MYH8: variants seen among roughly 807,000 people sequenced by gnomAD.
MYH8 encodes the protein myosin-8.
MYH8 carries 168 observed loss-of-function variants against 233.2 expected under a neutral mutation model. The ratio of observed to expected loss-of-function variants is 0.72; its 90% CI spans 0.64 to 0.82. The LOEUF is 0.82. Among genes scored for constraint, MYH8 ranks in the 40% least tolerant of loss-of-function variants. The pLI is 0.00. For missense variants in MYH8, 1,995 were observed against 2,327.8 expected (o/e 0.86, Z 2.94); for synonymous variants, 785 against 850.6 (o/e 0.92, Z 1.34).
chr17:10,391,398 G>T (rs778400427), intron 39 of MYH8, among the ~76,000 whole-genome samples: 9 of 152,108 alleles, frequency 5.9e-5, no homozygotes, highest in African/African-American at 1.7e-4. Context: ...AAAATATCTC[G>T]GCTGGGCGTG....
Position 10,396,278 on chromosome 17 carries a change from T to A in MYH8, c.4653+52A>T, listed in dbSNP as rs1419089224. On this transcript the variant is annotated intron_variant, in intron 33 of 39. Coordinates refer to ENST00000403437, the MANE Select transcript of MYH8 (RefSeq NM_002472.3). The surrounding 1 kb of genome is among the most constrained non-coding windows in gnomAD (Gnocchi z 4.2). The stretch of plus-strand genomic sequence containing the variant: ...AATTATCACTAGCCCCACTTTTTTT[T>A]AACTGATGTTTGTCTTTGTTTTTCC... 10 of 1,605,012 alleles carry A rather than the reference T, an allele frequency of 6.2e-6. No homozygotes were observed. The highest frequency in any genetic ancestry group is 3.4e-5 in the Admixed American group (2 of 59,564).
At chr17:10,397,341 G>C (rs748199079) in intron 30 of MYH8, among the ~76,000 whole-genome samples, 2 of 152,050 alleles carry the variant, frequency 1.3e-5, no homozygotes, top group African/African-American at 4.8e-5. Flanking sequence ...TGATCCACCC[G>C]CCTTGGCCTC....
In MYH8 at chr17:10,415,513, C is replaced by T; in HGVS notation, c.607G>A (p.Val203Ile). 1 of 1,614,212 alleles carries T rather than the reference C, an allele frequency of 6.2e-7. No individual in the cohort carries two copies. The highest frequency in any genetic ancestry group is 8.5e-7 in the Non-Finnish European group (1 of 1,180,024). Residue 203 changes from valine (V) to isoleucine (I), a missense_variant, in exon 7 of 40, where the codon GTT becomes ATT. This residue lies in a region of MYH8 where 479 missense variants were observed against 600.9 expected (regional missense o/e 0.80). Transcript: ENST00000403437. The surrounding 1 kb of genome is among the most constrained non-coding windows in gnomAD (Gnocchi z 4.1). Reference sequence around the variant, plus strand: ...TCATCCTTCTTCTTCTCTCCAGTAACTGCAATTGTTGCAAAGTATTGGATG... The same window carrying T: ...TCATCCTTCTTCTTCTCTCCAGTAATTGCAATTGTTGCAAAGTATTGGATG... Reference protein sequence around the residue: ...RVIQYFATIAVTGEKKKDESG... With the variant: ...RVIQYFATIAITGEKKKDESG...
intron 30 of MYH8, among the ~76,000 whole-genome samples, chr17:10,397,502 G>A (rs2072090998): frequency 6.6e-6 from 1 of 152,218 alleles, no homozygotes; most frequent in African/African-American, 2.4e-5. Context: ...GTGGTGAAGA[G>A]TTGGAAACAA....
chr17:10,409,054 C>T, intron 17 of MYH8, 43 bp downstream of exon 17: 1 of 1,562,886 alleles, frequency 6.4e-7, no homozygotes, highest in South Asian at 1.1e-5. Flanking sequence ...TATGATAATT[C>T]ATAGAAACTG....
chr17:10,413,361 A>C (rs1048724451), intron 12 of MYH8, among the ~76,000 whole-genome samples: 13 of 152,324 alleles, frequency 8.5e-5, no homozygotes, highest in African/African-American at 2.9e-4. Context: ...TCTGGGGTAG[A>C]TCCTGTATAT....
At position 10,396,432 on chromosome 17, in the gene MYH8, C is replaced by A. The variant is rs1161192269; in HGVS notation, c.4551G>T (p.Glu1517Asp). 1 of 1,614,070 alleles carries A rather than the reference C, an allele frequency of 6.2e-7. No homozygotes were observed. The highest frequency in any genetic ancestry group is 2.2e-5 in the East Asian group (1 of 44,878). ...NLQQEISDLTEQIAEGGKQIH... is the reference protein window; with the variant it reads ...NLQQEISDLTDQIAEGGKQIH... ...TTTGCTTTCCTCCCTCTGCAATCTG[C>A]TCAGTGAGGTCAGAAATCTCCTCTG... Residue 1517 changes from glutamate (E) to aspartate (D), a missense_variant, in exon 33 of 40, where the codon GAG (glutamate) becomes GAT (aspartate). By Grantham distance (45) the Glu-to-Asp change is conservative. Transcript: ENST00000403437. The surrounding 1 kb of genome is among the most constrained non-coding windows in gnomAD (Gnocchi z 4.2).
Position 10,397,000 on chromosome 17 carries a change from C to T in MYH8, c.4179-14G>A. 1 of 1,614,104 alleles carries T rather than the reference C, an allele frequency of 6.2e-7. No homozygotes were observed. Among genetic ancestry groups the T allele is most frequent in the Middle Eastern group, 1.6e-4 (1 of 6,062 alleles). ...GCCAACTTTTTCCTGAAAAGTTAGCCAGGCAGTCAGGAGAATGGCCAAGAC... is the reference window on the plus strand; with the variant it reads ...GCCAACTTTTTCCTGAAAAGTTAGCTAGGCAGTCAGGAGAATGGCCAAGAC... On this transcript the variant is annotated splice_polypyrimidine_tract_variant and intron_variant, in intron 30 of 39. Transcript: ENST00000403437. This position sits in a 1 kb window ranked among gnomAD's most constrained non-coding sequence, Gnocchi z 4.2.
At position 10,415,057 on chromosome 17, in the gene MYH8, T is replaced by C. The variant is rs2072276809; in HGVS notation, c.805+59A>G. ...CATGCACAGCAAGGGTGGCAAAATA[T>C]CCCTGCAAATGAAATCACTTGTCTC... On this transcript the variant is annotated intron_variant, in intron 9 of 39. Transcript: ENST00000403437. This position sits in a 1 kb window ranked among gnomAD's most constrained non-coding sequence, Gnocchi z 4.1. 3 of 1,524,180 alleles carry C rather than the reference T, an allele frequency of 2.0e-6. No individual in the cohort carries two copies. Among genetic ancestry groups the C allele is most frequent in the Non-Finnish European group, 2.7e-6 (3 of 1,098,488 alleles). The allele number at this position is 1,524,180 out of a possible 1,614,324, so 94.4% of individuals were successfully genotyped here. A position where few individuals can be genotyped will look rare whatever the true frequency, so the allele number is the denominator to read the frequency against.
rs111452886 is a variant in MYH8, at chr17:10,409,483, T to C, written c.1693A>G (p.Asn565Asp). 2 of 1,614,226 alleles carry C rather than the reference T, an allele frequency of 1.2e-6. No individual in the cohort carries two copies. Among genetic ancestry groups the C allele is most frequent in the African/African-American group, 1.3e-5 (1 of 75,062 alleles). Residue 565 changes from asparagine (N) to aspartate (D), a missense_variant, in exon 16 of 40, where the codon AAC becomes GAC. Asn to Asp is a conservative substitution (Grantham distance 23). Around this residue, in one of 3 missense-constraint regions of MYH8, gnomAD observed 1,498 missense variants for 1,680.9 expected, o/e 0.89. Coordinates refer to ENST00000403437, the MANE Select transcript of MYH8 (RefSeq NM_002472.3). Reference sequence around the variant, plus strand: ...TTGACCACCTTGGGCTTCTGGAAGTTGGCAGACTTGCCCAGGTGCTGGTCA... The same window carrying C: ...TTGACCACCTTGGGCTTCTGGAAGTCGGCAGACTTGCCCAGGTGCTGGTCA... ...LYDQHLGKSANFQKPKVVKGK... is the reference protein window; with the variant it reads ...LYDQHLGKSADFQKPKVVKGK...
chr17:10,407,375 A>G (rs778131488), intron 17 of MYH8, among the ~76,000 whole-genome samples: 7 of 152,108 alleles, frequency 4.6e-5, no homozygotes, highest in African/African-American at 1.7e-4. Flanking sequence ...AATAGTTGAG[A>G]TTGTTTGTGA....
chr17:10,418,266 T>C (rs556088125), intron 5 of MYH8, among the ~76,000 whole-genome samples: 8 of 152,368 alleles, frequency 5.3e-5, no homozygotes, highest in South Asian at 2.1e-4. Flanking sequence ...CTCTTTTCGT[T>C]GACTGCTGTG....
At position 10,390,421 on chromosome 17, in the gene MYH8, C is replaced by G. The variant is rs758849889; in HGVS notation, c.*33G>C. 1 of 1,612,474 alleles carries G rather than the reference C, an allele frequency of 6.2e-7. No homozygotes were observed. Among genetic ancestry groups the G allele is most frequent in the Non-Finnish European group, 8.5e-7 (1 of 1,179,952 alleles). On this transcript the variant is annotated 3_prime_UTR_variant, in exon 40 of 40. Coordinates refer to ENST00000403437, the MANE Select transcript of MYH8 (RefSeq NM_002472.3). ...CAAAAATAGCACATTTTGTGCCTTTCTTCAGCCTCTTGATAGCATCAGGCA... is the reference window on the plus strand; with the variant it reads ...CAAAAATAGCACATTTTGTGCCTTTGTTCAGCCTCTTGATAGCATCAGGCA...
In MYH8 at chr17:10,415,778, A is replaced by C; in HGVS notation, c.512-70T>G. On this transcript the variant is annotated intron_variant, in intron 5 of 39. Coordinates refer to ENST00000403437, the MANE Select transcript of MYH8 (RefSeq NM_002472.3). The surrounding 1 kb of genome is among the most constrained non-coding windows in gnomAD (Gnocchi z 4.1). ...TATGAAGAGTATTGAATCAGTTCAG[A>C]TCAAACACAGCTTGTTCTTTTTAAC... 6.6e-7 allele frequency: 1 copy of C among 1,506,630 alleles called. No individual in the cohort carries two copies. The highest frequency in any genetic ancestry group is 1.4e-5 in the African/African-American group (1 of 72,460). 93.3% of individuals were successfully genotyped at this position (1,506,630 alleles called of 1,614,324 possible). A position where few individuals can be genotyped will look rare whatever the true frequency, so the allele number is the denominator to read the frequency against.
Position 10,392,593 on chromosome 17 carries a change from A to C in MYH8, c.5517T>G (p.Ala1839=). ...GCTCATGTTTCCGTAAACCTTTAAC[A>C]GCCTCTGCATTACGTTTCTGTTCAT... ...VENEQKRNAE[A]VKGLRKHERR... is the part of the protein sequence containing the mutation. The change falls in exon 38 of 40, where the codon GCT becomes GCG. Residue 1839 remains alanine, a synonymous_variant. Coordinates refer to ENST00000403437, the MANE Select transcript of MYH8 (RefSeq NM_002472.3). The C allele has an allele frequency of 6.2e-7, 1 of 1,614,194 alleles. No individual in the cohort carries two copies. The highest frequency in any genetic ancestry group is 8.5e-7 in the Non-Finnish European group (1 of 1,180,046).
chr17:10,401,576 C>T lies in MYH8; in HGVS notation c.2898G>A (p.Lys966=), dbSNP rs779823632. The T allele has an allele frequency of 6.2e-7, 1 of 1,614,022 alleles. No individual in the cohort carries two copies. Among genetic ancestry groups the T allele is most frequent in the African/African-American group, 1.3e-5 (1 of 74,916 alleles). Residue 966 remains lysine (K), a synonymous_variant, in exon 23 of 40, where the codon AAG becomes AAA. Coordinates refer to ENST00000403437, the MANE Select transcript of MYH8 (RefSeq NM_002472.3). ...CCGTGGCATGTTTCTCCTTCTCAAC[C>T]TTGGCCAGTGTCAGCTCAAGGTCAT... is the stretch of plus-strand genomic sequence containing the variant. ...DIDDLELTLA[K]VEKEKHATEN...
rs757873995 is a variant in MYH8 at position 10,413,960 on chromosome 17, C to T, written c.1089G>A (p.Gly363=). Residue 363 remains glycine, a synonymous_variant, in exon 12 of 40, where the codon GGG becomes GGA. Coordinates refer to ENST00000403437, the MANE Select transcript of MYH8 (RefSeq NM_002472.3). The stretch of plus-strand genomic sequence containing the variant: ...GCTGCTTTTGCTTGAATTTCATGTT[C>T]CCATAATGCATCACAGCCCCTGTGA... ...YKLTGAVMHY[G]NMKFKQKQRE... is the part of the protein sequence containing the mutation. The T allele has an allele frequency of 1.1e-4, 184 of 1,613,908 alleles. No individual in the cohort carries two copies. Among genetic ancestry groups the T allele is most frequent in the Non-Finnish European group, 1.5e-4 (175 of 1,180,022 alleles).
intron 37 of MYH8, 54 bp from the exon 38 acceptor site, chr17:10,392,700 C>G: frequency 6.2e-7 from 1 of 1,613,340 alleles, no homozygotes. Context: ...TTAATTAGCC[C>G]AAGACCTACT....
intron 2 of MYH8, among the ~76,000 whole-genome samples, chr17:10,420,514 A>G (rs1181841144): frequency 6.6e-6 from 1 of 152,210 alleles, no homozygotes; most frequent in Non-Finnish European, 1.5e-5. Context: ...CTACAATTGA[A>G]TTAGAATGAA....
Sources: allele counts gnomAD v4.1 joint callset (sites outside exome capture counted in the v4.1 genomes callset), GRCh38; gene constraint gnomAD v4.1.1; regional missense constraint gnomAD v4.1.1; non-coding constraint Gnocchi (gnomAD v3.1); transcripts MANE v1.5; gene names NCBI Gene and HGNC (gene_info 2026-07-23, HGNC 2026-07-21).